The following PAICS variants were observed in gnomAD, a reference collection of about 807,000 sequenced individuals.
PAICS encodes the protein phosphoribosylaminoimidazole carboxylase and phosphoribosylaminoimidazolesuccinocarboxamide synthase, also known as bifunctional phosphoribosylaminoimidazole carboxylase/phosphoribosylaminoimidazole succinocarboxamide synthetase.
Under a neutral mutation model 53.7 loss-of-function variants are expected in PAICS, and 33 were observed. The observed-to-expected ratio is 0.61, with a 90% CI of 0.47 to 0.82. The LOEUF is 0.82. PAICS is among the 40% of genes least tolerant of loss of function. PAICS has a pLI of 0.00. For missense variants in PAICS, 394 were observed against 494.1 expected (o/e 0.80, Z 1.92); for synonymous variants, 141 against 167.2 (o/e 0.84, Z 1.21).
chr4:56,416,415 C>A, the PAICS span: 1 of 862,298 alleles, frequency 1.2e-6, no homozygotes, highest in Non-Finnish European at 1.4e-6. Context: ...CTTCTGGTTT[C>A]TCATGTCAGA....
intron 1 of PAICS, among the ~76,000 whole-genome samples, chr4:56,437,935 G>A (rs113554531): frequency 8.3e-4 from 125 of 150,546 alleles, no homozygotes; most frequent in African/African-American, 3.0e-3. Flanking sequence ...TGCAATCATG[G>A]TACCTGTACC....
the PAICS span, chr4:56,410,880 C>T: frequency 1.1e-6 from 1 of 899,602 alleles, no homozygotes; most frequent in Non-Finnish European, 1.3e-6. Flanking sequence ...CCAAGTACAG[C>T]CCCAGAGACC....
At chr4:56,445,952 G>C (rs1482094177) in intron 2 of PAICS, among the ~76,000 whole-genome samples, 1 of 152,184 alleles carries the variant, frequency 6.6e-6, no homozygotes, top group South Asian at 2.1e-4. Context: ...GACAGGGTAG[G>C]TTGGAAATCC....
chr4:56,452,060 AC>A lies in PAICS; in HGVS notation c.952+9del. 6.4e-7 allele frequency: 1 copy of A among 1,555,964 alleles called. No individual in the cohort carries two copies. Among genetic ancestry groups the A allele is most frequent in the Non-Finnish European group, 8.8e-7 (1 of 1,135,540 alleles). On this transcript the variant is annotated intron_variant, in intron 7 of 8. Transcript: ENST00000512576. ...TTAAAGCTGAGTATGAAGGTAAACCACAAGTAATATGGACATTTCAGGTATT... is the reference window on the plus strand; with the variant it reads ...TTAAAGCTGAGTATGAAGGTAAACCAAAGTAATATGGACATTTCAGGTATT...
At chr4:56,431,831 G>A (rs1047079744), upstream of PAICS, among the ~76,000 whole-genome samples, 6 of 152,144 alleles carry the variant, frequency 3.9e-5, no homozygotes, top group Non-Finnish European at 7.4e-5. Context: ...TCAGAACTCC[G>A]CAAACTACTG....
chr4:56,440,855 G>A (rs1208541054), intron 1 of PAICS, among the ~76,000 whole-genome samples: 3 of 152,188 alleles, frequency 2.0e-5, no homozygotes, highest in African/African-American at 7.2e-5. Context: ...TGTTGTGGAA[G>A]TATGAGGGTT....
At chr4:56,426,896 C>A in the PAICS span, among the ~76,000 whole-genome samples, 1 of 152,204 alleles carries the variant, frequency 6.6e-6, no homozygotes, top group Non-Finnish European at 1.5e-5. Flanking sequence ...AACAATAACT[C>A]CTCCATCCCA....
Position 56,452,831 on chromosome 4 carries a change from G to A in PAICS, c.953-772G>A, listed in dbSNP as rs551075599. On this transcript the variant is annotated intron_variant, in intron 7 of 8. Coordinates refer to ENST00000512576, the MANE Select transcript of PAICS (RefSeq NM_001079524.2). ...TATAGCAGTGATCTAAAATAATGGA[G>A]CCCTGGGTTTACAACCAAATGTTTC... is the stretch of plus-strand genomic sequence containing the variant. 6.6e-5 allele frequency among the ~76,000 whole-genome samples: 10 copies of A among 152,222 alleles called. No homozygotes were observed. The South Asian group carries it at 2.1e-3, about 32-fold the overall frequency.
chr4:56,441,288 A>T (rs924025596), intron 1 of PAICS, among the ~76,000 whole-genome samples: 1 of 152,204 alleles, frequency 6.6e-6, no homozygotes, highest in Admixed American at 6.5e-5. Flanking sequence ...GTGGGTCTTA[A>T]TTAATTTTAA....
At chr4:56,435,723 C>A (rs1560654103), upstream of PAICS, 4 of 1,468,034 alleles carry the variant, frequency 2.7e-6, no homozygotes, top group East Asian at 1.0e-4. Flanking sequence ...GGCTGAGGGG[C>A]GGGGTCACGG....
the PAICS span, among the ~76,000 whole-genome samples, chr4:56,412,810 C>G: frequency 2.6e-5 from 4 of 152,150 alleles, no homozygotes; most frequent in African/African-American, 7.2e-5. Context: ...ACCTCTTTAC[C>G]GGGCTCCCTA....
intron 3 of PAICS, among the ~76,000 whole-genome samples, chr4:56,448,007 C>CTTTTT (rs35788109): frequency 1.5e-4 from 18 of 121,994 alleles, no homozygotes; most frequent in South Asian, 2.7e-4. Flanking sequence ...AATTTCTTTT[C>CTTTTT]TTTTTTTTTT....
At chr4:56,451,768 A>C in intron 6 of PAICS, 104 bp from the exon 7 acceptor site, 1 of 645,150 alleles carries the variant, frequency 1.6e-6, no homozygotes, top group Non-Finnish European at 2.5e-6. Context: ...TTGATCTGTT[A>C]AGAAAGAAAA....
chr4:56,451,741 TTGTCTC>T (rs1718927280), intron 6 of PAICS, 125 bp from the exon 7 acceptor site: 2 of 498,584 alleles, frequency 4.0e-6, no homozygotes, highest in Non-Finnish European at 7.0e-6. Flanking sequence ...TTTTTGTTGT[TTGTCTC>T]TGTCTTAAAT....
chr4:56,410,685 A>AT, the PAICS span: 33 of 986,484 alleles, frequency 3.3e-5, no homozygotes, highest in Non-Finnish European at 3.9e-5. Context: ...AGAGACTGGA[A>AT]ACAGTGCTGG....
At chr4:56,434,028 A>G (rs886126652), upstream of PAICS, among the ~76,000 whole-genome samples, 2 of 152,198 alleles carry the variant, frequency 1.3e-5, no homozygotes, top group Non-Finnish European at 2.9e-5. Context: ...GTTGCTCACA[A>G]CTACCACATA....
intron 8 of PAICS, among the ~76,000 whole-genome samples, chr4:56,455,706 A>G (rs1173245221): frequency 1.3e-5 from 2 of 152,158 alleles, no homozygotes; most frequent in African/African-American, 4.8e-5. Context: ...TGGGAGCATT[A>G]TTACTCCACT....
In PAICS at chr4:56,461,431, C is replaced by T. The variant is rs1042587006; in HGVS notation, c.*1893C>T. 1 of 152,200 alleles carries T rather than the reference C, an allele frequency of 6.6e-6. No individual in the cohort carries two copies. The highest frequency in any genetic ancestry group is 2.4e-5 in the African/African-American group (1 of 41,452). 9.4% of individuals were successfully genotyped at this position (152,200 alleles called of 1,614,324 possible). A position where few individuals can be genotyped will look rare whatever the true frequency, so the allele number is the denominator to read the frequency against. On this transcript the variant is annotated 3_prime_UTR_variant, in exon 9 of 9. Transcript: ENST00000512576. ...TGTTTACCCTTACCTAGCATTAAGA[C>T]TCCATCTACTTCTGTGCAGTATATG...
chr4:56,446,357 T>C, intron 2 of PAICS: 1 of 717,996 alleles, frequency 1.4e-6, no homozygotes, highest in Non-Finnish European at 2.6e-6. Context: ...CCTATTCTAG[T>C]TACCTCATAT....
Sources: gnomAD v4.1 joint callset for allele counts (sites outside exome capture counted in the v4.1 genomes callset) on GRCh38, gnomAD v4.1.1 for gene constraint, MANE v1.5 for transcripts, NCBI Gene and HGNC (gene_info 2026-07-23, HGNC 2026-07-21) for gene names.